Variants in RNF38 observed in about 807,000 individuals in gnomAD.
RNF38 encodes the protein ring finger protein 38.
In RNF38, 15 loss-of-function variants were observed where a neutral mutation model predicts 67.2. That is an observed-to-expected ratio of 0.22 (90% CI 0.15 to 0.34). RNF38 has a LOEUF of 0.34. Ranked by LOEUF, RNF38 falls within the 10% of genes least tolerant of loss-of-function variation. RNF38 has a pLI of 1.00. For missense variants in RNF38, 524 were observed against 639.9 expected (o/e 0.82, Z 1.95); for synonymous variants, 220 against 218.8 (o/e 1.01, Z -0.05).
chr9:36,437,099 G>A (rs1303514855), intron 1 of RNF38, among the ~76,000 whole-genome samples: 1 of 152,210 alleles, frequency 6.6e-6, no homozygotes, highest in Non-Finnish European at 1.5e-5. Context: ...GGCTGCAGTG[G>A]CAGGCGGCCA....
intron 1 of RNF38, 28 bp downstream of exon 1, chr9:36,400,069 T>C (rs770934898): frequency 1.2e-6 from 2 of 1,607,710 alleles, no homozygotes; most frequent in South Asian, 2.2e-5. Context: ...CATATATCAT[T>C]TTTGCAACAC....
chr9:36,485,767 A>G (rs1840395464), intron 1 of RNF38, among the ~76,000 whole-genome samples: 1 of 152,188 alleles, frequency 6.6e-6, no homozygotes, highest in Non-Finnish European at 1.5e-5. Context: ...TCTTGGACAA[A>G]GGGCCTTAAT....
intron 1 of RNF38, among the ~76,000 whole-genome samples, chr9:36,455,444 T>C (rs1486631396): frequency 6.6e-6 from 1 of 152,108 alleles, no homozygotes; most frequent in Admixed American, 6.5e-5. Context: ...AGGAGTCAAC[T>C]CTCAATTATC....
upstream of RNF38, among the ~76,000 whole-genome samples, chr9:36,405,138 G>C (rs1450231725): frequency 6.6e-6 from 1 of 152,052 alleles, no homozygotes; most frequent in East Asian, 1.9e-4. Flanking sequence ...ATGGTGGCAC[G>C]TGGCTGTACT....
chr9:36,473,527 G>C (rs192610829), intron 1 of RNF38, among the ~76,000 whole-genome samples: 97 of 151,988 alleles, frequency 6.4e-4, no homozygotes, highest in African/African-American at 2.2e-3. Flanking sequence ...GGTGGAGGTT[G>C]CAGTGAGCCA....
At chr9:36,486,971 G>C (rs1225922993) in intron 1 of RNF38, among the ~76,000 whole-genome samples, 1 of 151,870 alleles carries the variant, frequency 6.6e-6, no homozygotes, top group Non-Finnish European at 1.5e-5. Context: ...GTGGCCCTGG[G>C]TCCCAGCCAA....
chr9:36,455,508 C>T (rs957543660), intron 1 of RNF38, among the ~76,000 whole-genome samples: 4 of 151,838 alleles, frequency 2.6e-5, no homozygotes, highest in African/African-American at 7.2e-5. Context: ...TTTAGCTGGA[C>T]GCGGTGGCTC....
At chr9:36,372,499 T>C (rs533404067) in intron 3 of RNF38, 83 of 711,652 alleles carry the variant, frequency 1.2e-4, no homozygotes, top group Non-Finnish European at 6.8e-5. Flanking sequence ...TGCTCACCTC[T>C]GTAACTGAAA....
At chr9:36,477,389 A>C (rs890851623) in intron 1 of RNF38, among the ~76,000 whole-genome samples, 1 of 151,990 alleles carries the variant, frequency 6.6e-6, no homozygotes, top group Non-Finnish European at 1.5e-5. Flanking sequence ...TACAACAACA[A>C]AACAGGCTGG....
chr9:36,460,920 A>AAAG (rs1197957601), intron 1 of RNF38, among the ~76,000 whole-genome samples: 2,280 of 140,972 alleles, frequency 0.016, 59 homozygotes, highest in African/African-American at 0.06. Flanking sequence ...AGAAAGAAAG[A>AAAG]AAAAAAAGGA....
At chr9:36,348,837 G>A (rs893059103) in intron 9 of RNF38, among the ~76,000 whole-genome samples, 1 of 152,222 alleles carries the variant, frequency 6.6e-6, no homozygotes, top group Non-Finnish European at 1.5e-5. Flanking sequence ...ATTGATGAAA[G>A]TGAATACACT....
chr9:36,388,126 T>C (rs139981375), intron 2 of RNF38, among the ~76,000 whole-genome samples: 1 of 152,190 alleles, frequency 6.6e-6, no homozygotes, highest in East Asian at 1.9e-4. Context: ...GGTAAAACCA[T>C]ACAGAAAAAC....
intron 2 of RNF38, among the ~76,000 whole-genome samples, chr9:36,417,687 T>A (rs974653680): frequency 1.3e-5 from 2 of 152,060 alleles, no homozygotes; most frequent in Non-Finnish European, 2.9e-5. Context: ...ATTTTTGTAT[T>A]TTTAGTAGAG....
rs7863199 is a variant in RNF38, at chr9:36,338,958, C to T, written c.*794G>A. On this transcript the variant is annotated 3_prime_UTR_variant, in exon 12 of 12. Coordinates refer to ENST00000259605, the MANE Select transcript of RNF38 (RefSeq NM_022781.5). ...ATAAAAAAAAACCAGGTTCATGGAG[C>T]GAGAATTTGTTACACTTTTTTTTCT... is the stretch of plus-strand genomic sequence containing the variant. The T allele has an allele frequency of 0.98, 149,252 of 152,658 alleles. 73,036 individuals are homozygous for T. The highest frequency in any genetic ancestry group is 1 in the East Asian group (5,182 of 5,182). 9.5% of individuals were successfully genotyped at this position (152,658 alleles called of 1,614,324 possible).
At chr9:36,460,366 C>T (rs755458546) in intron 1 of RNF38, among the ~76,000 whole-genome samples, 1 of 152,142 alleles carries the variant, frequency 6.6e-6, no homozygotes, top group Non-Finnish European at 1.5e-5. Context: ...AAGCTTTTAT[C>T]TATAGTGGTT....
At chr9:36,360,718 T>G (rs1331547045) in intron 4 of RNF38, among the ~76,000 whole-genome samples, 2 of 152,184 alleles carry the variant, frequency 1.3e-5, no homozygotes, top group Non-Finnish European at 2.9e-5. Flanking sequence ...ATATCTGATT[T>G]TAATGGAAAA....
chr9:36,385,795 CCAGTTCTTCTCGTTGAATTCTTGG>C (rs1466560718), intron 2 of RNF38, among the ~76,000 whole-genome samples: 1 of 152,132 alleles, frequency 6.6e-6, no homozygotes, highest in Non-Finnish European at 1.5e-5. Flanking sequence ...CAGAAAGGGC[CCAGTTCTTCTCGTTGAATTCTTGG>C]CACGTCGCAC....
upstream of RNF38, among the ~76,000 whole-genome samples, chr9:36,402,897 G>T (rs767818515): frequency 6.6e-6 from 1 of 152,034 alleles, no homozygotes; most frequent in Admixed American, 6.5e-5. Flanking sequence ...CTGTCGCCCA[G>T]GCTGGAGTGC....
At chr9:36,432,134 T>A (rs542576312) in intron 1 of RNF38, among the ~76,000 whole-genome samples, 1 of 143,804 alleles carries the variant, frequency 7.0e-6, no homozygotes, top group Non-Finnish European at 1.6e-5. Context: ...GGGTATTAAG[T>A]TTTTTTTGTT....
Sources: gnomAD v4.1 joint callset for allele counts (sites outside exome capture counted in the v4.1 genomes callset) on GRCh38, gnomAD v4.1.1 for gene constraint, MANE v1.5 for transcripts, NCBI Gene and HGNC (gene_info 2026-07-23, HGNC 2026-07-21) for gene names.